TOMM70: variants seen among roughly 807,000 people sequenced by gnomAD.
TOMM70 encodes mitochondrial import receptor subunit TOM70.
A neutral mutation model predicts 73.6 loss-of-function variants in TOMM70; 13 were observed. The observed-to-expected ratio is 0.18, with a 90% CI of 0.11 to 0.28. TOMM70 has a LOEUF of 0.28. Ranked by LOEUF, TOMM70 falls within the 10% of genes least tolerant of loss-of-function variation. TOMM70 has a pLI of 1.00. For synonymous variants in TOMM70, 257 were observed against 271.2 expected, an observed-to-expected ratio of 0.95 and a Z score of 0.51; for missense variants, 609 against 747.5, an observed-to-expected ratio of 0.81 and a Z score of 2.16.
intron 1 of TOMM70, among the ~76,000 whole-genome samples, chr3:100,389,261 C>T (rs917794670): frequency 1.3e-5 from 2 of 152,154 alleles, no homozygotes; most frequent in Non-Finnish European, 2.9e-5. Flanking sequence ...CCTAGCTAAA[C>T]TAGCATTTGA....
chr3:100,379,807 CAG>C (rs1706609771), intron 5 of TOMM70, among the ~76,000 whole-genome samples: 1 of 152,018 alleles, frequency 6.6e-6, no homozygotes, highest in Admixed American at 6.6e-5. Context: ...TCTGTAGAGA[CAG>C]GGTTTCTCCA....
At chr3:100,391,089 C>T (rs371459231) in intron 1 of TOMM70, among the ~76,000 whole-genome samples, 9 of 151,838 alleles carry the variant, frequency 5.9e-5, no homozygotes, top group African/African-American at 2.2e-4. Flanking sequence ...TGCAGTGAGC[C>T]GAGATGGCAC....
At chr3:100,370,192 T>C (rs1284099400) in intron 9 of TOMM70, among the ~76,000 whole-genome samples, 1 of 152,224 alleles carries the variant, frequency 6.6e-6, no homozygotes, top group Non-Finnish European at 1.5e-5. Context: ...ATAGCTTCCA[T>C]CATTGTGAGC....
chr3:100,389,702 A>G (rs1576217366), intron 1 of TOMM70, among the ~76,000 whole-genome samples: 1 of 152,380 alleles, frequency 6.6e-6, no homozygotes, highest in East Asian at 1.9e-4. Flanking sequence ...ATCTGTAAAA[A>G]AGGCACAATA....
At chr3:100,379,952 T>C (rs1005219770) in intron 5 of TOMM70, among the ~76,000 whole-genome samples, 1 of 152,212 alleles carries the variant, frequency 6.6e-6, no homozygotes, top group Non-Finnish European at 1.5e-5. Context: ...TAAAAAGTTA[T>C]GTCAGCCAAA....
At chr3:100,399,019 C>T (rs1706856899) in intron 1 of TOMM70, among the ~76,000 whole-genome samples, 1 of 152,116 alleles carries the variant, frequency 6.6e-6, no homozygotes, top group Non-Finnish European at 1.5e-5. Context: ...CGGTGGCTCA[C>T]GCCTGTAATC....
chr3:100,392,556 CA>C (rs1706774930), intron 1 of TOMM70, among the ~76,000 whole-genome samples: 1 of 151,950 alleles, frequency 6.6e-6, no homozygotes, highest in South Asian at 2.1e-4. Flanking sequence ...GCTGGGATTA[CA>C]AGTGCACGCC....
In TOMM70 at chr3:100,397,489, T is replaced by C. The variant is rs749848422; in HGVS notation, c.324+3137A>G. Among the ~76,000 whole-genome samples the C allele has an allele frequency of 2.6e-5, 4 of 152,234 alleles. No homozygotes were observed. The East Asian group carries it at 7.7e-4, about 29-fold the overall frequency. ...AGATGGACAATGGTAAGTGCAAATG[T>C]TTTGCCTTATTTTATTTGGGGCCAA... is the stretch of plus-strand genomic sequence containing the variant. On this transcript the variant is annotated intron_variant, in intron 1 of 11. Coordinates refer to ENST00000284320, the MANE Select transcript of TOMM70 (RefSeq NM_014820.5).
At chr3:100,378,868 G>C (rs371754932) in intron 5 of TOMM70, among the ~76,000 whole-genome samples, 1 of 152,136 alleles carries the variant, frequency 6.6e-6, no homozygotes, top group African/African-American at 2.4e-5. Context: ...TTAGTCAGGC[G>C]TGGTGGCGGG....
At chr3:100,394,249 C>T (rs1181144787) in intron 1 of TOMM70, among the ~76,000 whole-genome samples, 3 of 152,028 alleles carry the variant, frequency 2.0e-5, no homozygotes, top group Non-Finnish European at 2.9e-5. Context: ...ATTTCTCAAA[C>T]TCAAAAAGCA....
chr3:100,396,320 T>TAG (rs1311317452), intron 1 of TOMM70, among the ~76,000 whole-genome samples: 2 of 152,208 alleles, frequency 1.3e-5, no homozygotes, highest in Non-Finnish European at 2.9e-5. Flanking sequence ...TAGGCTGGCT[T>TAG]AGATTATTGG....
chr3:100,379,993 G>A (rs1002107471), intron 5 of TOMM70, among the ~76,000 whole-genome samples: 1 of 152,126 alleles, frequency 6.6e-6, no homozygotes, highest in Non-Finnish European at 1.5e-5. Context: ...AACCTCTCCT[G>A]TAATGACATT....
intron 6 of TOMM70, chr3:100,377,280 T>C (rs1434616204): frequency 1.9e-5 from 3 of 160,814 alleles, no homozygotes; most frequent in Non-Finnish European, 1.4e-5. Flanking sequence ...TGCAAGACTT[T>C]TGGCATATTT....
chr3:100,366,363 A>AGCT (rs1294362248), intron 11 of TOMM70, among the ~76,000 whole-genome samples: 1 of 152,248 alleles, frequency 6.6e-6, no homozygotes, highest in Non-Finnish European at 1.5e-5. Flanking sequence ...AACTAGTATT[A>AGCT]GCTACATATA....
In TOMM70 at chr3:100,377,794, G is replaced by A. The variant is rs1706582015; in HGVS notation, c.1003C>T (p.Arg335Ter). ...CCAATAAGCAGGTAGAAGGTAGCTC[G>A]TAGTAGCAATGCTTCTGCCATGTAT... ...GKYMAEALLL[R>*]ATFYLLIGNA... is the part of the protein sequence containing the mutation. The change falls in exon 6 of 12, where the codon CGA becomes TGA. Residue 335 changes from arginine to a stop codon, truncating the protein, a stop_gained. Coordinates refer to ENST00000284320, the MANE Select transcript of TOMM70 (RefSeq NM_014820.5). LOFTEE classifies it high-confidence loss of function. 1.2e-6 allele frequency: 2 copies of A among 1,614,188 alleles called. No homozygotes were observed. The highest frequency in any genetic ancestry group is 1.7e-6 in the Non-Finnish European group (2 of 1,180,030).
chr3:100,381,823 A>G (rs1439177095), intron 4 of TOMM70, 60 bp from the exon 5 acceptor site: 15 of 1,451,992 alleles, frequency 1.0e-5, no homozygotes, highest in African/African-American at 1.4e-5. Flanking sequence ...AGAAGCAGGT[A>G]CATTGTAGAA....
In TOMM70 at chr3:100,369,109, A is replaced by T; in HGVS notation, c.1479T>A (p.Gly493=). 1 of 1,613,468 alleles carries T rather than the reference A, an allele frequency of 6.2e-7. No individual in the cohort carries two copies. The highest frequency in any genetic ancestry group is 8.5e-7 in the Non-Finnish European group (1 of 1,179,686). ...AQALTDQQQF[G]KADEMYDKCI... ...ATTTATCATACATTTCATCAGCTTT[A>T]CCAAACTGTTGTTGATCTGTTAATG... Residue 493 remains glycine, a synonymous_variant, in exon 10 of 12, where the codon GGT becomes GGA. Transcript: ENST00000284320.
intron 5 of TOMM70, 48 bp downstream of exon 5, chr3:100,381,567 A>G: frequency 6.4e-7 from 1 of 1,569,538 alleles, no homozygotes; most frequent in Non-Finnish European, 8.7e-7. Context: ...AGGAAAGTTC[A>G]AAGCACCCAA....
chr3:100,387,643 C>CTTTTTTTTTTTTTTTTTTTTTT (rs112940589), intron 1 of TOMM70, among the ~76,000 whole-genome samples: 1 of 135,588 alleles, frequency 7.4e-6, no homozygotes, highest in Non-Finnish European at 1.5e-5. Context: ...CACGTATATA[C>CTTTTTTTTTTTTTTTTTTTTTT]TTTTTTTTTT....
Sources: allele counts gnomAD v4.1 joint callset (sites outside exome capture counted in the v4.1 genomes callset), GRCh38; gene constraint gnomAD v4.1.1; transcripts MANE v1.5; gene names NCBI Gene and HGNC (gene_info 2026-07-23, HGNC 2026-07-21).